The following BNC2 variants were observed in gnomAD, a reference collection of about 807,000 sequenced individuals.
BNC2 encodes the protein zinc finger protein basonuclin-2.
BNC2 carries 20 observed loss-of-function variants against 76.3 expected under a neutral mutation model. The observed-to-expected ratio is 0.26, with a 90% CI of 0.18 to 0.38. The LOEUF is 0.38. Among genes scored for constraint, BNC2 ranks in the 10% least tolerant of loss-of-function variants. The pLI, the probability that BNC2 is intolerant of heterozygous loss-of-function variation, is 1.00. For missense variants in BNC2, 1,382 were observed against 1,399.8 expected (o/e 0.99, Z 0.20); for synonymous variants, 582 against 514.8 (o/e 1.13, Z -1.77).
chr9:16,747,475 T>C (rs1402856484), intron 1 of BNC2, among the ~76,000 whole-genome samples: 1 of 152,188 alleles, frequency 6.6e-6, no homozygotes, highest in East Asian at 1.9e-4. Flanking sequence ...ATGCAAAACA[T>C]AAAAGATTTT....
intron 5 of BNC2, among the ~76,000 whole-genome samples, chr9:16,520,963 T>A (rs1817598317): frequency 6.6e-6 from 1 of 152,182 alleles, no homozygotes; most frequent in Non-Finnish European, 1.5e-5. Flanking sequence ...CATACTAATA[T>A]TAGTATTTTA....
intron 3 of BNC2, among the ~76,000 whole-genome samples, chr9:16,599,213 T>A (rs1313135386): frequency 3.3e-5 from 5 of 152,196 alleles, no homozygotes; most frequent in Non-Finnish European, 1.5e-5. Context: ...TACAAATAAC[T>A]GAACTGTGGA....
At chr9:16,581,930 G>A (rs1337468506) in intron 4 of BNC2, among the ~76,000 whole-genome samples, 2 of 152,052 alleles carry the variant, frequency 1.3e-5, no homozygotes, top group African/African-American at 4.8e-5. Flanking sequence ...CTCTCTCACA[G>A]AAACATGGCT....
intron 1 of BNC2, among the ~76,000 whole-genome samples, chr9:16,758,507 T>A (rs7855044): frequency 6.6e-6 from 1 of 151,996 alleles, no homozygotes; most frequent in Non-Finnish European, 1.5e-5. Context: ...CTTTTTGTAT[T>A]TGTAGTAGAG....
intron 5 of BNC2, among the ~76,000 whole-genome samples, chr9:16,527,587 C>G (rs1345901120): frequency 6.6e-6 from 1 of 152,124 alleles, no homozygotes; most frequent in African/African-American, 2.4e-5. Flanking sequence ...AATAGCAGGC[C>G]AGAGCACCAC....
intron 3 of BNC2, among the ~76,000 whole-genome samples, chr9:16,641,091 C>T (rs1477610743): frequency 6.6e-6 from 1 of 152,060 alleles, no homozygotes; most frequent in Non-Finnish European, 1.5e-5. Context: ...AAAGTAACTA[C>T]TGGAAAATAC....
At chr9:16,484,126 C>T (rs1822113285) in intron 5 of BNC2, among the ~76,000 whole-genome samples, 1 of 152,196 alleles carries the variant, frequency 6.6e-6, no homozygotes, top group South Asian at 2.1e-4. Context: ...TCAGGCACCT[C>T]TATCTGACTA....
intron 3 of BNC2, among the ~76,000 whole-genome samples, chr9:16,720,033 G>C (rs1824103157): frequency 6.6e-6 from 1 of 152,132 alleles, no homozygotes; most frequent in Non-Finnish European, 1.5e-5. Flanking sequence ...TCTTATACAG[G>C]CTAAGGATCA....
intron 3 of BNC2, among the ~76,000 whole-genome samples, chr9:16,601,906 G>C (rs1356264645): frequency 6.6e-6 from 1 of 152,084 alleles, no homozygotes; most frequent in African/African-American, 2.4e-5. Flanking sequence ...TAATGTTCTG[G>C]AAAGTACCCA....
At chr9:16,814,792 A>G (rs1254675100) in intron 1 of BNC2, among the ~76,000 whole-genome samples, 1 of 152,218 alleles carries the variant, frequency 6.6e-6, no homozygotes, top group Non-Finnish European at 1.5e-5. Flanking sequence ...CCTATACATT[A>G]TGGTGATTCT....
chr9:16,423,365 G>GA (rs1187013028), intron 6 of BNC2, among the ~76,000 whole-genome samples: 2 of 152,082 alleles, frequency 1.3e-5, no homozygotes, highest in African/African-American at 4.8e-5. Context: ...TCCTCTTACA[G>GA]AAAAAAAGTG....
At chr9:16,743,985 G>GT in intron 1 of BNC2, among the ~76,000 whole-genome samples, 1 of 61,532 alleles carries the variant, frequency 1.6e-5, no homozygotes, top group Non-Finnish European at 4.3e-5. Flanking sequence ...TGTTTGTTTG[G>GT]AGACGGAGTC....
intron 3 of BNC2, among the ~76,000 whole-genome samples, chr9:16,674,575 T>C (rs1822579940): frequency 6.6e-6 from 1 of 152,210 alleles, no homozygotes; most frequent in African/African-American, 2.4e-5. Flanking sequence ...TTACTTGTCT[T>C]TGATATCAAA....
intron 5 of BNC2, among the ~76,000 whole-genome samples, chr9:16,510,256 C>G (rs1822721759): frequency 6.6e-6 from 1 of 152,208 alleles, no homozygotes; most frequent in Non-Finnish European, 1.5e-5. Flanking sequence ...AACTTCCTCA[C>G]TGGGTGGACA....
In BNC2 at chr9:16,845,590, G is replaced by A. The variant is rs548464286; in HGVS notation, c.3+25056C>T. 6.6e-5 allele frequency among the ~76,000 whole-genome samples: 10 copies of A among 152,064 alleles called. No individual in the cohort carries two copies. In the South Asian group the frequency reaches 8.3e-4, roughly 13 times the overall value. ...CAAAAAATTAGCCGGGTGTAGCGGC[G>A]TGGGCCTGTAGTCCCAGCTACTTGG... On this transcript the variant is annotated intron_variant, in intron 1 of 6. Transcript: ENST00000380672.
At chr9:16,790,658 A>AT (rs1308654219) in intron 1 of BNC2, among the ~76,000 whole-genome samples, 7 of 151,704 alleles carry the variant, frequency 4.6e-5, no homozygotes, top group Admixed American at 3.9e-4. Flanking sequence ...CTCTCATATG[A>AT]TTTTTTTTGC....
intron 5 of BNC2, among the ~76,000 whole-genome samples, chr9:16,464,592 T>C (rs1821664149): frequency 6.6e-6 from 1 of 152,164 alleles, no homozygotes; most frequent in African/African-American, 2.4e-5. Context: ...TTCCTAAACA[T>C]ATCTACTTTC....
intron 5 of BNC2, among the ~76,000 whole-genome samples, chr9:16,459,877 G>A (rs1051023620): frequency 2.0e-5 from 3 of 152,134 alleles, no homozygotes; most frequent in Admixed American, 1.3e-4. Context: ...GACTTCCTAT[G>A]GCCACAGCTG....
intron 1 of BNC2, among the ~76,000 whole-genome samples, chr9:16,752,761 C>A (rs995599186): frequency 6.6e-6 from 1 of 152,050 alleles, no homozygotes; most frequent in Non-Finnish European, 1.5e-5. Flanking sequence ...AATAACTTGC[C>A]GTATTTGTGC....
Sources: allele counts gnomAD v4.1 joint callset (sites outside exome capture counted in the v4.1 genomes callset), GRCh38; gene constraint gnomAD v4.1.1; transcripts MANE v1.5; gene names NCBI Gene and HGNC (gene_info 2026-07-23, HGNC 2026-07-21).